The following CNGB1 variants were observed in gnomAD, a reference collection of about 807,000 sequenced individuals.
CNGB1 encodes the protein cyclic nucleotide gated channel subunit beta 1.
A neutral mutation model predicts 151.7 loss-of-function variants in CNGB1; 126 were observed. The observed-to-expected ratio is 0.83, with a 90% CI of 0.72 to 0.96. The LOEUF is 0.96. CNGB1 is among the 40% of genes least tolerant of loss of function. CNGB1 has a pLI of 0.00. For synonymous variants in CNGB1, 623 were observed against 635.1 expected, an observed-to-expected ratio of 0.98 and a Z score of 0.29; for missense variants, 1,698 against 1,627.0, an observed-to-expected ratio of 1.04 and a Z score of -0.75.
chr16:57,895,839 C>T (rs540880527), intron 31 of CNGB1, among the ~76,000 whole-genome samples: 3 of 152,164 alleles, frequency 2.0e-5, no homozygotes, highest in African/African-American at 7.2e-5. Flanking sequence ...AGGGATATCA[C>T]GAAGGTCACA....
At chr16:57,897,318 AG>A in intron 31 of CNGB1, 78 bp downstream of exon 31, 39 of 1,336,924 alleles carry the variant, frequency 2.9e-5, no homozygotes, top group Admixed American at 1.7e-4. Context: ...AAAAAAAAAA[AG>A]ATAAAGGTAC....
In CNGB1 at chr16:57,884,461, G is replaced by C; in HGVS notation, c.3463-4C>G. ...TGACGTCTTGCGAGCTCTTGGCCTG[G>C]AATCCAGAAAGGGTGACTCGTGAGG... On this transcript the variant is annotated splice_polypyrimidine_tract_variant and splice_region_variant and intron_variant, in intron 32 of 32. Coordinates refer to ENST00000251102, the MANE Select transcript of CNGB1 (RefSeq NM_001297.5). 1 of 1,613,496 alleles carries C rather than the reference G, an allele frequency of 6.2e-7. No homozygotes were observed. Among genetic ancestry groups the C allele is most frequent in the Non-Finnish European group, 8.5e-7 (1 of 1,179,814 alleles).
At chr16:57,939,391 C>T (rs372136737) in intron 16 of CNGB1, 39 bp downstream of exon 16, 21 of 1,613,472 alleles carry the variant, frequency 1.3e-5, no homozygotes, top group Non-Finnish European at 1.6e-5. Context: ...GGACCTCAGA[C>T]ATTCTTGCGC....
At chr16:57,913,052 C>A in intron 23 of CNGB1, 58 bp from the exon 24 acceptor site, 1 of 1,567,906 alleles carries the variant, frequency 6.4e-7, no homozygotes, top group South Asian at 1.1e-5. Flanking sequence ...ATGCTGCTCC[C>A]ACGCCCACGG....
At chr16:57,931,674 G>C (rs1036340257) in intron 17 of CNGB1, 42 bp downstream of exon 17, 1 of 1,607,402 alleles carries the variant, frequency 6.2e-7, no homozygotes, top group African/African-American at 1.3e-5. Context: ...TAAACAGGTG[G>C]CACAGTGCCG....
In CNGB1 at chr16:57,884,316, G is replaced by A; in HGVS notation, c.3604C>T (p.Pro1202Ser). ...CCCTCCGGCCTCCCAAGGGAGGCAGGCGGTGGAGAGCTCGGTGGAGACCCC... is the reference window on the plus strand; with the variant it reads ...CCCTCCGGCCTCCCAAGGGAGGCAGACGGTGGAGAGCTCGGTGGAGACCCC... ...PPGSPPSSPP[P>S]ASLGRPEGEE... Residue 1202 changes from proline to serine, a missense_variant, in exon 33 of 33, where the codon CCT becomes TCT. Coordinates refer to ENST00000251102, the MANE Select transcript of CNGB1 (RefSeq NM_001297.5). 1 of 1,612,216 alleles carries A rather than the reference G, an allele frequency of 6.2e-7. No individual in the cohort carries two copies. The highest frequency in any genetic ancestry group is 1.3e-5 in the African/African-American group (1 of 74,944).
At chr16:57,951,404 C>T (rs1597006299) in intron 12 of CNGB1, among the ~76,000 whole-genome samples, 2 of 152,094 alleles carry the variant, frequency 1.3e-5, no homozygotes, top group Admixed American at 6.5e-5. Flanking sequence ...CAGGCTGGAG[C>T]GCATTAGTGC....
chr16:57,946,018 G>A lies in CNGB1; in HGVS notation c.1121+3335C>T, dbSNP rs185176379. Among the ~76,000 whole-genome samples the A allele has an allele frequency of 9.9e-5, 15 of 152,280 alleles. No homozygotes were observed. The South Asian group carries it at 1.9e-3, about 19-fold the overall frequency. ...GTCTAGGGGCCATGTTACCAAAGCC[G>A]TATGGCCCCTGCTTGACAGGGTGCC... On this transcript the variant is annotated intron_variant, in intron 14 of 32. Coordinates refer to ENST00000251102, the MANE Select transcript of CNGB1 (RefSeq NM_001297.5).
chr16:57,911,692 C>G (rs140865914), intron 25 of CNGB1, 61 bp downstream of exon 25: 5 of 1,607,662 alleles, frequency 3.1e-6, no homozygotes, highest in Non-Finnish European at 4.2e-6. Flanking sequence ...CTCTGTGCTG[C>G]GAATTATAAA....
intron 16 of CNGB1, among the ~76,000 whole-genome samples, chr16:57,932,714 G>A: frequency 6.6e-6 from 1 of 151,764 alleles, no homozygotes; most frequent in East Asian, 1.9e-4. Flanking sequence ...CCAATTAGCT[G>A]CGAATACAGG....
intron 12 of CNGB1, 98 bp downstream of exon 12, chr16:57,957,243 G>A: frequency 1.7e-6 from 2 of 1,185,108 alleles, no homozygotes; most frequent in East Asian, 2.3e-5. Context: ...GTCCAGGTCT[G>A]GCCAGGGACA....
rs940429648 is a variant in CNGB1, at chr16:57,884,035, G to A, written c.*129C>T. The A allele has an allele frequency of 7.3e-7, 1 of 1,360,564 alleles. No homozygotes were observed. Among genetic ancestry groups the A allele is most frequent in the Admixed American group, 1.8e-5 (1 of 57,068 alleles). 84.3% of individuals were successfully genotyped at this position (1,360,564 alleles called of 1,614,324 possible). ...CGGGACGGTCAGAGCTGCAGCCACTGAGGTCACGACTACGGAAAAGCATCT... is the reference window on the plus strand; with the variant it reads ...CGGGACGGTCAGAGCTGCAGCCACTAAGGTCACGACTACGGAAAAGCATCT... On this transcript the variant is annotated 3_prime_UTR_variant, in exon 33 of 33. Coordinates refer to ENST00000251102, the MANE Select transcript of CNGB1 (RefSeq NM_001297.5).
At chr16:57,912,765 A>G (rs562786716) in intron 24 of CNGB1, among the ~76,000 whole-genome samples, 165 bp downstream of exon 24, 1 of 140,610 alleles carries the variant, frequency 7.1e-6, no homozygotes, top group South Asian at 2.3e-4. Context: ...GGGTGTGTGT[A>G]TGTTGAATGT....
chr16:57,961,739 C>T (rs566009494), intron 7 of CNGB1, among the ~76,000 whole-genome samples: 1 of 152,272 alleles, frequency 6.6e-6, no homozygotes, highest in Admixed American at 6.5e-5. Context: ...TGTGCTGAGT[C>T]CTCACTCTGT....
At chr16:57,932,824 C>T (rs925571692) in intron 16 of CNGB1, among the ~76,000 whole-genome samples, 1 of 152,236 alleles carries the variant, frequency 6.6e-6, no homozygotes, top group Non-Finnish European at 1.5e-5. Context: ...TCGTGATCCA[C>T]CTGCCTCGGC....
At chr16:57,912,567 C>CTGTGTTGTGTGTGTGTGTGTG (rs1334461558) in intron 24 of CNGB1, among the ~76,000 whole-genome samples, 1 of 150,650 alleles carries the variant, frequency 6.6e-6, no homozygotes, top group Non-Finnish European at 1.5e-5. Flanking sequence ...TGCAAACTTC[C>CTGTGTTGTGTGTGTGTGTGTG]TGTGTTGTGT....
rs1327600583 is a variant in CNGB1, at chr16:57,958,484, G to A, written c.763C>T (p.Leu255=). The A allele has an allele frequency of 3.1e-6, 5 of 1,613,722 alleles. No homozygotes were observed. In the African/African-American group the frequency reaches 4.0e-5, roughly 13 times the overall value. The part of the protein sequence containing the change: ...SLPPTRDPAR[L]VAWVLHRLEM... ...AGCCTGTGCAGGACCCATGCCACCA[G>A]CCTGCAGGTGGGAGAGAGTGTGCGG... The change falls in exon 11 of 33, where the codon CTG becomes TTG. Residue 255 remains leucine (L), a splice_region_variant and synonymous_variant. Coordinates refer to ENST00000251102, the MANE Select transcript of CNGB1 (RefSeq NM_001297.5).
chr16:57,903,991 G>A lies in CNGB1; in HGVS notation c.2635-10C>T, dbSNP rs437920. 0.83 allele frequency: 1,340,785 copies of A among 1,611,120 alleles called. 560,897 individuals carry two copies. Among genetic ancestry groups the A allele is most frequent in the South Asian group, 0.87 (79,523 of 90,944 alleles). Reference sequence around the variant, plus strand: ...CTACCACATCTCTCATCTGGGGGAAGGGTTATGGGAGGTCAAGGAAGCCAC... The same window carrying A: ...CTACCACATCTCTCATCTGGGGGAAAGGTTATGGGAGGTCAAGGAAGCCAC... On this transcript the variant is annotated splice_polypyrimidine_tract_variant and intron_variant, in intron 26 of 32. Transcript: ENST00000251102.
intron 24 of CNGB1, among the ~76,000 whole-genome samples, chr16:57,912,487 G>A (rs757099183): frequency 3.0e-4 from 45 of 152,168 alleles, no homozygotes; most frequent in Non-Finnish European, 8.8e-5. Flanking sequence ...CCAGGAAGAT[G>A]CCTGGCTTCC....
Sources: allele counts gnomAD v4.1 joint callset (sites outside exome capture counted in the v4.1 genomes callset), GRCh38; gene constraint gnomAD v4.1.1; transcripts MANE v1.5; gene names NCBI Gene and HGNC (gene_info 2026-07-23, HGNC 2026-07-21).